STK39: variants seen among roughly 807,000 people sequenced by gnomAD.
STK39 encodes serine/threonine kinase 39.
A neutral mutation model predicts 77.8 loss-of-function variants in STK39; 20 were observed. The ratio of observed to expected loss-of-function variants is 0.26; its 90% confidence interval spans 0.18 to 0.37. The LOEUF is 0.37. STK39 is among the 10% of genes least tolerant of loss of function. STK39 has a pLI of 1.00. For synonymous variants in STK39, 246 were observed against 234.1 expected (o/e 1.05, Z -0.47); for missense variants, 479 against 656.5 (o/e 0.73, Z 2.95).
chr2:168,123,728 G>T (rs1349489238), intron 10 of STK39, among the ~76,000 whole-genome samples: 1 of 151,968 alleles, frequency 6.6e-6, no homozygotes, highest in East Asian at 1.9e-4. Context: ...AATTAGCCGG[G>T]CATGGTGGCG....
intron 1 of STK39, among the ~76,000 whole-genome samples, chr2:168,206,388 C>T (rs1227326892): frequency 6.6e-6 from 1 of 151,860 alleles, no homozygotes; most frequent in Non-Finnish European, 1.5e-5. Flanking sequence ...GCAACCTGCG[C>T]CTCCTGGATT....
At chr2:168,134,077 T>A (rs1425275777) in intron 8 of STK39, among the ~76,000 whole-genome samples, 1 of 152,210 alleles carries the variant, frequency 6.6e-6, no homozygotes, top group Admixed American at 6.5e-5. Context: ...GCAAGCACAG[T>A]CACGTCTTAC....
intron 1 of STK39, among the ~76,000 whole-genome samples, chr2:168,198,901 G>C (rs370652503): frequency 6.6e-6 from 1 of 152,212 alleles, no homozygotes. Flanking sequence ...AAATGTTACA[G>C]GGAGAGAGAT....
intron 5 of STK39, among the ~76,000 whole-genome samples, chr2:168,149,460 A>G (rs1688224975): frequency 6.6e-6 from 1 of 152,250 alleles, no homozygotes; most frequent in Admixed American, 6.5e-5. Flanking sequence ...CCCCTGCACC[A>G]ACTATGAAAC....
At chr2:167,955,729 A>G (rs976340160) in intron 17 of STK39, among the ~76,000 whole-genome samples, 159 bp from the exon 18 acceptor site, 9 of 152,170 alleles carry the variant, frequency 5.9e-5, no homozygotes, top group African/African-American at 2.2e-4. Context: ...CTCTCGAATG[A>G]CTACTGGAAG....
chr2:168,054,013 G>A (rs1685461072), intron 14 of STK39, among the ~76,000 whole-genome samples: 5 of 152,300 alleles, frequency 3.3e-5, no homozygotes, highest in South Asian at 4.1e-4. Context: ...ATTAAAACAC[G>A]ATAAATGCCA....
intron 16 of STK39, among the ~76,000 whole-genome samples, chr2:167,968,212 C>T (rs577954414): frequency 4.0e-4 from 61 of 152,224 alleles, no homozygotes; most frequent in African/African-American, 1.3e-3. Context: ...TGGGTTGATT[C>T]GATATCTTTG....
Position 168,045,689 on chromosome 2 carries a change from G to A in STK39, c.1376+17811C>T, listed in dbSNP as rs11886776. Among the ~76,000 whole-genome samples, 336 of 152,266 alleles carry A rather than the reference G, an allele frequency of 2.2e-3. 4 individuals are homozygous for A. Among genetic ancestry groups the A allele is most frequent in the African/African-American group, 7.8e-3 (325 of 41,556 alleles). ...CCTAGCACTGTTCCTAGGATGCTAA[G>A]CTAAAAATAACCAGACATCAGCTAC... On this transcript the variant is annotated intron_variant, in intron 14 of 17. Transcript: ENST00000355999.
chr2:168,098,940 C>A (rs1487969852), intron 10 of STK39, among the ~76,000 whole-genome samples: 1 of 152,242 alleles, frequency 6.6e-6, no homozygotes, highest in Non-Finnish European at 1.5e-5. Flanking sequence ...GGCCATAGAG[C>A]ATTGCCTGGT....
At chr2:168,141,665 C>T (rs917092331) in intron 5 of STK39, among the ~76,000 whole-genome samples, 1 of 152,166 alleles carries the variant, frequency 6.6e-6, no homozygotes, top group African/African-American at 2.4e-5. Context: ...TACTTGATAG[C>T]GAGCTGGTGG....
intron 14 of STK39, among the ~76,000 whole-genome samples, chr2:168,032,042 C>A (rs1201562518): frequency 1.3e-5 from 2 of 152,118 alleles, no homozygotes; most frequent in African/African-American, 4.8e-5. Context: ...TAGATACCAG[C>A]CACCCTAATT....
chr2:168,146,485 C>A (rs1427831665), intron 5 of STK39, among the ~76,000 whole-genome samples: 3 of 152,174 alleles, frequency 2.0e-5, no homozygotes, highest in Non-Finnish European at 4.4e-5. Flanking sequence ...ACACTGATGC[C>A]TAAGTGGCTG....
chr2:167,971,937 C>G (rs186237997), intron 16 of STK39, among the ~76,000 whole-genome samples: 1 of 152,340 alleles, frequency 6.6e-6, no homozygotes, highest in East Asian at 1.9e-4. Flanking sequence ...TGCGTTTTGT[C>G]TCATGTATTT....
intron 2 of STK39, 117 bp from the exon 3 acceptor site, chr2:168,167,524 G>A (rs1343033564): frequency 2.5e-6 from 2 of 784,816 alleles, no homozygotes; most frequent in South Asian, 1.6e-5. Flanking sequence ...TACCTGAGGG[G>A]CTGCCTAAGC....
rs375200972 is a variant in STK39 at position 168,151,733 on chromosome 2, G to A, written c.628+10054C>T. Among the ~76,000 whole-genome samples, 425 of 125,060 alleles carry A rather than the reference G, an allele frequency of 3.4e-3. 1 individual carries two copies. Among genetic ancestry groups the A allele is most frequent in the African/African-American group, 0.015 (404 of 27,152 alleles). 82.0% of individuals were successfully genotyped at this position (125,060 alleles called of 152,430 possible). ...CAGCCTGGGCGACAGAGTGAGACTC[G>A]GTCTCAAAAAAAAAAAAAAAAAATT... On this transcript the variant is annotated intron_variant, in intron 5 of 17. Transcript: ENST00000355999.
chr2:168,111,156 T>C (rs913337974), intron 10 of STK39, among the ~76,000 whole-genome samples: 7 of 152,192 alleles, frequency 4.6e-5, no homozygotes, highest in South Asian at 2.1e-4. Flanking sequence ...TAGTTCATTA[T>C]AGGGTTCTAA....
intron 13 of STK39, 96 bp from the exon 14 acceptor site, chr2:168,063,666 T>C: frequency 1.7e-6 from 2 of 1,200,814 alleles, no homozygotes; most frequent in Non-Finnish European, 2.4e-6. Flanking sequence ...CATTTCTTTC[T>C]GGAAATTTCA....
chr2:168,012,984 C>T (rs1423905397), intron 15 of STK39, among the ~76,000 whole-genome samples: 1 of 152,234 alleles, frequency 6.6e-6, no homozygotes, highest in African/African-American at 2.4e-5. Context: ...AATTAATCTT[C>T]AAATGCACCT....
intron 14 of STK39, among the ~76,000 whole-genome samples, chr2:168,041,696 T>G: frequency 6.6e-6 from 1 of 152,214 alleles, no homozygotes. Flanking sequence ...CTAACTGCTA[T>G]TCTTTCCCTG....
Sources: gnomAD v4.1 joint callset for allele counts (sites outside exome capture counted in the v4.1 genomes callset) on GRCh38, gnomAD v4.1.1 for gene constraint, MANE v1.5 for transcripts, NCBI Gene and HGNC (gene_info 2026-07-23, HGNC 2026-07-21) for gene names.